CCDC85C: variants seen among roughly 807,000 people sequenced by gnomAD.
CCDC85C encodes the protein coiled-coil domain containing 85C, also known as coiled-coil domain-containing protein 85C.
CCDC85C carries 18 observed loss-of-function variants against 38.3 expected under a neutral mutation model. The observed-to-expected ratio is 0.47, with a 90% confidence interval of 0.33 to 0.70. CCDC85C has a LOEUF of 0.70. CCDC85C is among the 30% of genes least tolerant of loss of function. The pLI, the probability that CCDC85C is intolerant of heterozygous loss-of-function variation, is 0.03. For missense variants in CCDC85C, 566 were observed against 621.2 expected (o/e 0.91, Z 0.94); for synonymous variants, 264 against 293.8 (o/e 0.90, Z 1.04).
intron 1 of CCDC85C, 138 bp from the exon 2 acceptor site, chr14:99,536,226 C>G: frequency 2.9e-6 from 2 of 683,314 alleles, no homozygotes; most frequent in Non-Finnish European, 5.3e-6. Flanking sequence ...GACGCCCCAG[C>G]CCCTCCGAGC....
chr14:99,549,168 G>A (rs139584544), intron 1 of CCDC85C, among the ~76,000 whole-genome samples: 3 of 152,302 alleles, frequency 2.0e-5, no homozygotes, highest in South Asian at 2.1e-4. Context: ...TGGAGTAATC[G>A]CTGTCTCATT....
intron 1 of CCDC85C, among the ~76,000 whole-genome samples, chr14:99,560,501 C>T (rs1375300053): frequency 2.0e-5 from 3 of 152,198 alleles, no homozygotes; most frequent in Non-Finnish European, 4.4e-5. Flanking sequence ...CACCTGTATG[C>T]CAGGCGCCAG....
chr14:99,532,054 C>T (rs778570833), intron 2 of CCDC85C, among the ~76,000 whole-genome samples: 6 of 152,222 alleles, frequency 3.9e-5, no homozygotes, highest in Non-Finnish European at 7.3e-5. Context: ...CCAGTTCAAC[C>T]ATGCTGAGCA....
At chr14:99,537,683 C>T (rs1315955828) in intron 1 of CCDC85C, among the ~76,000 whole-genome samples, 2 of 152,192 alleles carry the variant, frequency 1.3e-5, no homozygotes, top group African/African-American at 2.4e-5. Flanking sequence ...AGCCTCCCCG[C>T]CCTGCCAGGC....
At chr14:99,577,982 C>T (rs762644213) in intron 1 of CCDC85C, among the ~76,000 whole-genome samples, 20 of 144,342 alleles carry the variant, frequency 1.4e-4, no homozygotes, top group Non-Finnish European at 2.4e-4. Flanking sequence ...CTGTATCCAT[C>T]GGTGTGTTTG....
chr14:99,573,458 G>A (rs1898401659), intron 1 of CCDC85C, among the ~76,000 whole-genome samples: 1 of 152,220 alleles, frequency 6.6e-6, no homozygotes, highest in South Asian at 2.1e-4. Context: ...CCACGTGAAG[G>A]AAAACCAGCT....
At chr14:99,581,134 G>A (rs1314693765) in intron 1 of CCDC85C, among the ~76,000 whole-genome samples, 1 of 152,058 alleles carries the variant, frequency 6.6e-6, no homozygotes, top group African/African-American at 2.4e-5. Context: ...GGAGGAGTGG[G>A]AGGGTGAAAC....
rs2055247825 is a variant in CCDC85C at position 99,604,181 on chromosome 14, C to T, written c.-222G>A. 6.8e-6 allele frequency among the ~76,000 whole-genome samples: 1 copy of T among 148,102 alleles called. No homozygotes were observed. The highest frequency in any genetic ancestry group is 2.1e-4 in the South Asian group (1 of 4,826). ...CGGAGGCGGCTGCTGCGTCGGCGGC[C>T]GCGGTGCCGGGCGCTCTCAGGGTTC... On this transcript the variant is annotated 5_prime_UTR_variant, in exon 1 of 6. Transcript: ENST00000380243.
At chr14:99,595,897 C>T (rs1474013456) in intron 1 of CCDC85C, among the ~76,000 whole-genome samples, 4 of 152,232 alleles carry the variant, frequency 2.6e-5, no homozygotes, top group African/African-American at 4.8e-5. Context: ...GCTGTCAGCA[C>T]AGTGCCAGGC....
intron 1 of CCDC85C, among the ~76,000 whole-genome samples, chr14:99,571,108 AC>A (rs1404873585): frequency 1.3e-5 from 2 of 151,780 alleles, no homozygotes; most frequent in African/African-American, 2.4e-5. Context: ...AGACCACCCC[AC>A]CCTCACGGGA....
chr14:99,584,760 A>G (rs552563796), intron 1 of CCDC85C, among the ~76,000 whole-genome samples: 1 of 152,338 alleles, frequency 6.6e-6, no homozygotes, highest in South Asian at 2.1e-4. Context: ...TAACTGCCCC[A>G]CTGCCCACAG....
intron 3 of CCDC85C, among the ~76,000 whole-genome samples, chr14:99,521,223 C>T (rs1191879407): frequency 6.6e-6 from 1 of 152,246 alleles, no homozygotes; most frequent in Non-Finnish European, 1.5e-5. Flanking sequence ...GTTAGAGCCT[C>T]GTTCAGCCAC....
At chr14:99,592,220 G>C (rs192985539) in intron 1 of CCDC85C, among the ~76,000 whole-genome samples, 35 of 152,360 alleles carry the variant, frequency 2.3e-4, no homozygotes, top group African/African-American at 8.2e-4. Context: ...TGTAATGAAA[G>C]TGAATTGAAG....
In CCDC85C at chr14:99,506,346, G is replaced by A. The variant is rs1896974650; in HGVS notation, c.*8900C>T. On this transcript the variant is annotated 3_prime_UTR_variant, in exon 6 of 6. Transcript: ENST00000380243. ...AAAAATAGGGTTCTTTTTCAGTTGT[G>A]ATGTGCACGCTGCCTTCTTAAACGG... 1 of 152,428 alleles carries A rather than the reference G, an allele frequency of 6.6e-6. No individual in the cohort carries two copies. Among genetic ancestry groups the A allele is most frequent in the South Asian group, 2.1e-4 (1 of 4,828 alleles). The allele number at this position is 152,428 out of a possible 1,614,324, so 9.4% of individuals were successfully genotyped here.
At chr14:99,536,232 C>T (rs1897596567) in intron 1 of CCDC85C, 144 bp from the exon 2 acceptor site, 11 of 675,016 alleles carry the variant, frequency 1.6e-5, no homozygotes, top group East Asian at 1.6e-4. Context: ...CCAGCCCCTC[C>T]GAGCCCTCGC....
rs114462552 is a variant in CCDC85C, at chr14:99,567,403, A to G, written c.794-31315T>C. Among the ~76,000 whole-genome samples, 999 of 152,276 alleles carry G rather than the reference A, an allele frequency of 6.6e-3. 7 individuals are homozygous for G. Among genetic ancestry groups the G allele is most frequent in the African/African-American group, 0.023 (948 of 41,550 alleles). Reference sequence around the variant, plus strand: ...TGGGGGCGTGACAACCAGGGGAGGCATGGTGGTGCCGAGACCCCATCAGGG... The same window carrying G: ...TGGGGGCGTGACAACCAGGGGAGGCGTGGTGGTGCCGAGACCCCATCAGGG... On this transcript the variant is annotated intron_variant, in intron 1 of 5. Transcript: ENST00000380243.
Position 99,516,214 on chromosome 14 carries a change from TCTC to T in CCDC85C, c.1141_1143del (p.Glu381del), listed in dbSNP as rs1027318976. On this transcript the variant is annotated inframe_deletion, in exon 5 of 6. Coordinates refer to ENST00000380243, the MANE Select transcript of CCDC85C (RefSeq NM_001144995.2). This position sits in a 1 kb window ranked among gnomAD's most constrained non-coding sequence, Gnocchi z 5.5. ...TTGCACATCTCGCGAACGATGGCCT[TCTC>T]CTTCTCACTCAGGTCCTCCTCACAG... 4 of 1,551,208 alleles carry T rather than the reference TCTC, an allele frequency of 2.6e-6. No individual in the cohort carries two copies. The highest frequency in any genetic ancestry group is 1.4e-5 in the African/African-American group (1 of 73,132).
At chr14:99,602,029 T>C (rs2055204189) in intron 1 of CCDC85C, among the ~76,000 whole-genome samples, 1 of 152,138 alleles carries the variant, frequency 6.6e-6, no homozygotes. Flanking sequence ...ATTGCAGGCT[T>C]AGACACACTT....
chr14:99,578,820 C>T (rs994185214), intron 1 of CCDC85C, among the ~76,000 whole-genome samples: 1 of 152,184 alleles, frequency 6.6e-6, no homozygotes, highest in Non-Finnish European at 1.5e-5. Context: ...CTTCTCTAAG[C>T]GCTTCCCTAG....
Sources: allele counts gnomAD v4.1 joint callset (sites outside exome capture counted in the v4.1 genomes callset), GRCh38; gene constraint gnomAD v4.1.1; non-coding constraint Gnocchi (gnomAD v3.1); transcripts MANE v1.5; gene names NCBI Gene and HGNC (gene_info 2026-07-23, HGNC 2026-07-21).